The following FGD5 variants were observed in gnomAD, a reference collection of about 807,000 sequenced individuals.
The protein encoded by FGD5 is FYVE, RhoGEF and PH domain-containing protein 5.
Under a neutral mutation model 133.4 loss-of-function variants are expected in FGD5, and 28 were observed. The observed-to-expected ratio is 0.21, with a 90% CI of 0.16 to 0.29. The LOEUF (loss-of-function observed/expected upper bound fraction) is 0.29. Among genes scored for constraint, FGD5 ranks in the 10% least tolerant of loss-of-function variants. The pLI is 1.00. For missense variants in FGD5, 1,858 were observed against 1,895.2 expected, an observed-to-expected ratio of 0.98 and a Z score of 0.36; for synonymous variants, 810 against 776.5, an observed-to-expected ratio of 1.04 and a Z score of -0.72.
intron 1 of FGD5, among the ~76,000 whole-genome samples, chr3:14,811,692 A>G (rs774022869): frequency 4.1e-4 from 63 of 152,160 alleles, no homozygotes; most frequent in Non-Finnish European, 7.2e-4. Context: ...GAGTAGTGCC[A>G]TTTAACGGAT....
intron 2 of FGD5, among the ~76,000 whole-genome samples, chr3:14,867,892 G>A (rs1421028427): frequency 6.6e-6 from 1 of 152,182 alleles, no homozygotes; most frequent in South Asian, 2.1e-4. Flanking sequence ...TGATTGAGGA[G>A]TGGTCACCCT....
chr3:14,841,128 G>A (rs12635985), intron 1 of FGD5, among the ~76,000 whole-genome samples: 12,365 of 152,174 alleles, frequency 0.081, 735 homozygotes, highest in East Asian at 0.31. Context: ...CTTTTCCAGC[G>A]TTTGAGTATG....
At chr3:14,872,619 C>A (rs1018520482) in intron 2 of FGD5, among the ~76,000 whole-genome samples, 2 of 152,222 alleles carry the variant, frequency 1.3e-5, no homozygotes, top group Non-Finnish European at 2.9e-5. Context: ...GATAAGCAAG[C>A]GTGCATGTTG....
chr3:14,813,914 C>T (rs2036332914), intron 1 of FGD5, among the ~76,000 whole-genome samples: 2 of 152,202 alleles, frequency 1.3e-5, no homozygotes, highest in Admixed American at 1.3e-4. Context: ...AAAATATAAA[C>T]TGGTGCCAGG....
intron 1 of FGD5, among the ~76,000 whole-genome samples, chr3:14,811,173 G>A (rs1417243336): frequency 2.0e-5 from 3 of 152,112 alleles, no homozygotes; most frequent in Non-Finnish European, 4.4e-5. Context: ...TCCCTTCCAC[G>A]ACGAAGAAAG....
chr3:14,905,000 T>C (rs1402843457), intron 9 of FGD5, among the ~76,000 whole-genome samples: 1 of 152,126 alleles, frequency 6.6e-6, no homozygotes, highest in Non-Finnish European at 1.5e-5. Flanking sequence ...TTTTTTACCA[T>C]GAGTTTTTAC....
chr3:14,860,261 T>C (rs940701208), intron 1 of FGD5, among the ~76,000 whole-genome samples: 9 of 152,230 alleles, frequency 5.9e-5, no homozygotes, highest in Admixed American at 6.5e-5. Flanking sequence ...GCCCCATCAA[T>C]GAGTCTGGTT....
intron 2 of FGD5, among the ~76,000 whole-genome samples, chr3:14,874,170 G>T (rs1372764458): frequency 6.6e-6 from 1 of 152,222 alleles, no homozygotes; most frequent in Non-Finnish European, 1.5e-5. Context: ...GATGCTGAAT[G>T]AAATAAGCCA....
intron 4 of FGD5, among the ~76,000 whole-genome samples, chr3:14,886,718 T>C (rs1025098516): frequency 2.6e-5 from 4 of 152,272 alleles, no homozygotes; most frequent in Admixed American, 2.6e-4. Flanking sequence ...TGTTGTGTTT[T>C]CATTTTCATG....
rs2037748103 is a variant in FGD5, at chr3:14,877,756, T to C, written c.2659-2816T>C. Among the ~76,000 whole-genome samples, 3 of 152,090 alleles carry C rather than the reference T, an allele frequency of 2.0e-5. No individual in the cohort carries two copies. In the South Asian group the frequency reaches 6.2e-4, roughly 32 times the overall value. On this transcript the variant is annotated intron_variant, in intron 2 of 19. Coordinates refer to ENST00000285046, the MANE Select transcript of FGD5 (RefSeq NM_152536.4). ...TGCTCTGATGAAAAGCACAGCAGGATAAAGATGGGGCAGGGGCCCTTAACC... is the reference window on the plus strand; with the variant it reads ...TGCTCTGATGAAAAGCACAGCAGGACAAAGATGGGGCAGGGGCCCTTAACC...
chr3:14,870,812 C>T (rs1233872095), intron 2 of FGD5, among the ~76,000 whole-genome samples: 2 of 152,206 alleles, frequency 1.3e-5, no homozygotes, highest in African/African-American at 4.8e-5. Context: ...CAAGCTCATC[C>T]TCTTCCCATC....
chr3:14,922,080 C>T lies in FGD5; in HGVS notation c.3669+63C>T, dbSNP rs2038693412. On this transcript the variant is annotated intron_variant, in intron 14 of 19. Transcript: ENST00000285046. This position sits in a 1 kb window ranked among gnomAD's most constrained non-coding sequence, Gnocchi z 4.1. ...AGAGACCTGGGGTTCCCTGGGCGGG[C>T]ATTGCTGTTGCCACTCACACCCAGA... 7 of 1,501,338 alleles carry T rather than the reference C, an allele frequency of 4.7e-6. No homozygotes were observed. The South Asian group carries it at 8.4e-5, about 18-fold the overall frequency. The allele number at this position is 1,501,338 out of a possible 1,614,324, so 93.0% of individuals were successfully genotyped here. A position where few individuals can be genotyped will look rare whatever the true frequency, so the allele number is the denominator to read the frequency against.
chr3:14,853,098 G>C (rs1004923200), intron 1 of FGD5, among the ~76,000 whole-genome samples: 1 of 152,166 alleles, frequency 6.6e-6, no homozygotes, highest in African/African-American at 2.4e-5. Flanking sequence ...TGTTTCCACA[G>C]TATCACATTT....
At chr3:14,812,336 C>T (rs2036307793) in intron 1 of FGD5, among the ~76,000 whole-genome samples, 3 of 152,276 alleles carry the variant, frequency 2.0e-5, no homozygotes, top group South Asian at 2.1e-4. Context: ...CCTGTGCTGG[C>T]GTGGCTGAAC....
intron 18 of FGD5, among the ~76,000 whole-genome samples, chr3:14,928,071 A>T (rs937278433): frequency 4.0e-5 from 6 of 151,518 alleles, no homozygotes; most frequent in African/African-American, 9.7e-5. Flanking sequence ...CCTCCTGAGT[A>T]GCTGGGACTA....
rs1252553293 is a variant in FGD5 at position 14,821,027 on chromosome 3, C to A, written c.1956C>A (p.Ser652=). ...SPDKYKKKKS[S]FKRFLALTFK... is the part of the protein sequence containing the mutation. ...ACAAGTACAAGAAGAAGAAGTCATCCTTTAAGCGCTTCCTGGCACTGACGT... is the reference window on the plus strand; with the variant it reads ...ACAAGTACAAGAAGAAGAAGTCATCATTTAAGCGCTTCCTGGCACTGACGT... Residue 652 remains serine (S), a synonymous_variant, in exon 1 of 20, where the codon TCC becomes TCA. Transcript: ENST00000285046. 6.2e-7 allele frequency: 1 copy of A among 1,613,822 alleles called. No individual in the cohort carries two copies. The highest frequency in any genetic ancestry group is 2.2e-5 in the East Asian group (1 of 44,880).
intron 12 of FGD5, among the ~76,000 whole-genome samples, chr3:14,918,452 G>C (rs954056435): frequency 2.6e-5 from 4 of 152,238 alleles, no homozygotes; most frequent in African/African-American, 9.6e-5. Flanking sequence ...GTTAGAAAAA[G>C]GCATGGGAGA....
intron 10 of FGD5, among the ~76,000 whole-genome samples, chr3:14,909,054 C>CG (rs2038397341): frequency 6.7e-6 from 1 of 150,112 alleles, no homozygotes. Context: ...CTGCAACCTC[C>CG]GCCTCCCCGG....
rs1331785491 is a variant in FGD5, at chr3:14,866,503, G to T, written c.2658+2243G>T. On this transcript the variant is annotated intron_variant, in intron 2 of 19. Coordinates refer to ENST00000285046, the MANE Select transcript of FGD5 (RefSeq NM_152536.4). Reference sequence around the variant, plus strand: ...CTAGCAAGAGGTAGAGCAGCCTAGGGACTAAGAAGTTCAGACTCAGCTTTG... The same window carrying T: ...CTAGCAAGAGGTAGAGCAGCCTAGGTACTAAGAAGTTCAGACTCAGCTTTG... 5.9e-5 allele frequency among the ~76,000 whole-genome samples: 9 copies of T among 152,218 alleles called. No individual in the cohort carries two copies. In the South Asian group the frequency reaches 1.7e-3, roughly 28 times the overall value.
Sources: allele counts gnomAD v4.1 joint callset (sites outside exome capture counted in the v4.1 genomes callset), GRCh38; gene constraint gnomAD v4.1.1; non-coding constraint Gnocchi (gnomAD v3.1); transcripts MANE v1.5; gene names NCBI Gene and HGNC (gene_info 2026-07-23, HGNC 2026-07-21).